COL14A1: variants seen among roughly 807,000 people sequenced by gnomAD.
COL14A1 encodes collagen type XIV alpha 1 chain.
Under a neutral mutation model 230.3 loss-of-function variants are expected in COL14A1, and 136 were observed. The ratio of observed to expected loss-of-function variants is 0.59; its 90% CI spans 0.51 to 0.68. The LOEUF is 0.68. Ranked by LOEUF, COL14A1 falls within the 30% of genes least tolerant of loss-of-function variation. COL14A1 has a pLI of 0.00. For missense variants in COL14A1, 1,976 were observed against 2,215.8 expected, an observed-to-expected ratio of 0.89 and a Z score of 2.17; for synonymous variants, 792 against 784.1, an observed-to-expected ratio of 1.01 and a Z score of -0.17.
At position 120,367,672 on chromosome 8, in the gene COL14A1, A is replaced by T. The variant is rs12674717; in HGVS notation, c.5155+424A>T. On this transcript the variant is annotated intron_variant, in intron 46 of 47. Transcript: ENST00000297848. Reference sequence around the variant, plus strand: ...CACATCGGGCTGGGTGCGGTGGCTCACTCCTGTAAGCCCAGCGTTTTGGGA... The same window carrying T: ...CACATCGGGCTGGGTGCGGTGGCTCTCTCCTGTAAGCCCAGCGTTTTGGGA... Among the ~76,000 whole-genome samples the T allele has an allele frequency of 3.9e-3, 585 of 150,740 alleles. 25 individuals carry two copies. The East Asian group carries it at 0.1, about 26-fold the overall frequency.
intron 45 of COL14A1, among the ~76,000 whole-genome samples, chr8:120,359,369 A>G (rs1823111395): frequency 6.6e-6 from 1 of 152,082 alleles, no homozygotes; most frequent in Non-Finnish European, 1.5e-5. Flanking sequence ...GTCATAACAC[A>G]TTTTATTTTA....
chr8:120,151,767 T>C (rs1815293410), intron 2 of COL14A1, among the ~76,000 whole-genome samples: 1 of 152,012 alleles, frequency 6.6e-6, no homozygotes, highest in Non-Finnish European at 1.5e-5. Flanking sequence ...AGATGTCAGA[T>C]TGAATTGTTT....
chr8:120,208,446 T>C (rs1586767306), intron 11 of COL14A1, 85 bp downstream of exon 11: 1 of 1,417,094 alleles, frequency 7.1e-7, no homozygotes, highest in African/African-American at 1.4e-5. Context: ...GCTCAGGTCA[T>C]GTTGATAGAC....
intron 26 of COL14A1, chr8:120,277,578 T>TA (rs1214513390): frequency 1.3e-5 from 2 of 152,062 alleles, no homozygotes; most frequent in Non-Finnish European, 1.5e-5. Context: ...TACGCAGCCA[T>TA]AAAAAAGAAC....
chr8:120,322,068 GTTTATA>G (rs1350637893), intron 40 of COL14A1, among the ~76,000 whole-genome samples: 2 of 151,678 alleles, frequency 1.3e-5, no homozygotes, highest in Non-Finnish European at 2.9e-5. Context: ...ATGTACATAT[GTTTATA>G]TTTATATATA....
At chr8:120,331,827 G>A (rs913291846) in intron 40 of COL14A1, among the ~76,000 whole-genome samples, 2 of 152,198 alleles carry the variant, frequency 1.3e-5, no homozygotes, top group African/African-American at 2.4e-5. Flanking sequence ...GGTCCTTAAT[G>A]ACCAATAATG....
At chr8:120,367,774 A>G (rs1823453212) in intron 46 of COL14A1, among the ~76,000 whole-genome samples, 1 of 139,070 alleles carries the variant, frequency 7.2e-6, no homozygotes, top group South Asian at 2.2e-4. Flanking sequence ...CATTTCTACC[A>G]AAAAAAAAAA....
At chr8:120,307,189 A>G (rs1331966096) in intron 36 of COL14A1, among the ~76,000 whole-genome samples, 1 of 152,208 alleles carries the variant, frequency 6.6e-6, no homozygotes, top group East Asian at 1.9e-4. Context: ...CTGAGAAAAC[A>G]AGTATCTGTC....
intron 5 of COL14A1, among the ~76,000 whole-genome samples, chr8:120,180,863 A>T (rs1816443792): frequency 6.6e-6 from 1 of 152,096 alleles, no homozygotes. Context: ...GGGCCCCAAC[A>T]TGCCCAGCTC....
At chr8:120,269,907 A>T (rs780610761) in intron 25 of COL14A1, 128 bp from the exon 26 acceptor site, 59 of 906,870 alleles carry the variant, frequency 6.5e-5, no homozygotes, top group Middle Eastern at 2.9e-4. Flanking sequence ...ATGAACATTA[A>T]GAAGTTTATA....
intron 40 of COL14A1, among the ~76,000 whole-genome samples, chr8:120,326,615 G>A (rs1821677968): frequency 6.6e-6 from 1 of 152,114 alleles, no homozygotes; most frequent in Non-Finnish European, 1.5e-5. Context: ...TAGAAAAAAT[G>A]GCTTTGTGTT....
chr8:120,124,710 C>T (rs1224014173), upstream of COL14A1, among the ~76,000 whole-genome samples: 1 of 152,098 alleles, frequency 6.6e-6, no homozygotes, highest in Non-Finnish European at 1.5e-5. Flanking sequence ...GGGTCTTTGA[C>T]GCGGGAAGGC....
Position 120,280,110 on chromosome 8 carries a change from T to C in COL14A1, c.3646+11T>C, listed in dbSNP as rs745855799. ...AAACAGCATCAGCAAGTTAGTTCTT[T>C]GGAATTTGTACTTACTCATGTTGCT... On this transcript the variant is annotated intron_variant, in intron 29 of 47. Transcript: ENST00000297848. The C allele has an allele frequency of 8.1e-6, 13 of 1,613,476 alleles. No individual in the cohort carries two copies. Among genetic ancestry groups the C allele is most frequent in the Non-Finnish European group, 1.1e-5 (13 of 1,179,614 alleles).
Position 120,224,053 on chromosome 8 carries a change from G to C in COL14A1, c.1738-1035G>C, listed in dbSNP as rs570565857. 1.8e-3 allele frequency among the ~76,000 whole-genome samples: 70 copies of C among 38,900 alleles called. No homozygotes were observed. The South Asian group carries it at 0.056, about 31-fold the overall frequency. The allele number at this position is 38,900 out of a possible 152,430, so 25.5% of individuals were successfully genotyped here. A position where few individuals can be genotyped will look rare whatever the true frequency, so the allele number is the denominator to read the frequency against. On this transcript the variant is annotated intron_variant, in intron 14 of 47. Transcript: ENST00000297848. ...TTTTTTTTTTTTTTTTTGAGACAGA[G>C]TCTCATTCTGTCACCCAGGCTGGAG...
At chr8:120,128,220 T>C (rs60428931) in intron 1 of COL14A1, among the ~76,000 whole-genome samples, 4,955 of 122,892 alleles carry the variant, frequency 0.04, 263 homozygotes, top group African/African-American at 0.15. Context: ...TGTGTGTGTG[T>C]GCGCGCGCGT....
chr8:120,132,936 G>A (rs1177765066), intron 1 of COL14A1, among the ~76,000 whole-genome samples: 2 of 152,080 alleles, frequency 1.3e-5, no homozygotes, highest in Non-Finnish European at 2.9e-5. Context: ...TAACTGTTCC[G>A]GCCGGGCGCG....
intron 40 of COL14A1, among the ~76,000 whole-genome samples, chr8:120,319,054 G>A (rs1325206197): frequency 2.0e-5 from 3 of 152,230 alleles, no homozygotes; most frequent in Non-Finnish European, 2.9e-5. Flanking sequence ...CTTGGACAGT[G>A]TAAGGAGTAC....
At chr8:120,285,802 G>GA (rs1820178023) in intron 32 of COL14A1, 59 bp from the exon 33 acceptor site, 68 of 1,143,884 alleles carry the variant, frequency 5.9e-5, no homozygotes, top group Non-Finnish European at 7.8e-5. Flanking sequence ...TTGAATTTTA[G>GA]AAAACAAAAT....
Position 120,371,432 on chromosome 8 carries a change from A to T in COL14A1, c.*201A>T. The T allele has an allele frequency of 2.5e-6, 1 of 394,414 alleles. No individual in the cohort carries two copies. Among genetic ancestry groups the T allele is most frequent in the Non-Finnish European group, 4.4e-6 (1 of 224,796 alleles). The allele number at this position is 394,414 out of a possible 1,614,324, so 24.4% of individuals were successfully genotyped here. Reference sequence around the variant, plus strand: ...TTTTAAAAAGTTCCCTTAATCTATGACATGGTAGCAATGATTTCCCTTTGG... The same window carrying T: ...TTTTAAAAAGTTCCCTTAATCTATGTCATGGTAGCAATGATTTCCCTTTGG... On this transcript the variant is annotated 3_prime_UTR_variant, in exon 48 of 48. Coordinates refer to ENST00000297848, the MANE Select transcript of COL14A1 (RefSeq NM_021110.4).
Sources: allele counts gnomAD v4.1 joint callset (sites outside exome capture counted in the v4.1 genomes callset), GRCh38; gene constraint gnomAD v4.1.1; transcripts MANE v1.5; gene names NCBI Gene and HGNC (gene_info 2026-07-23, HGNC 2026-07-21).